Variants in GALNT17 observed in about 807,000 individuals in gnomAD.
The protein encoded by GALNT17 is UDP-GalNAc:polypeptide N-acetylgalactosaminyltransferase-like 3.
GALNT17 carries 29 observed loss-of-function variants against 63.7 expected under a neutral mutation model. The ratio of observed to expected loss-of-function variants is 0.46; its 90% CI spans 0.34 to 0.62. The LOEUF (loss-of-function observed/expected upper bound fraction) is 0.62. Ranked by LOEUF, GALNT17 falls within the 20% of genes least tolerant of loss-of-function variation. The pLI is 0.01. For synonymous variants in GALNT17, 305 were observed against 318.3 expected (o/e 0.96, Z 0.45); for missense variants, 603 against 799.6 (o/e 0.75, Z 2.97).
At chr7:71,475,210 A>G (rs1401017261) in intron 5 of GALNT17, among the ~76,000 whole-genome samples, 1 of 152,210 alleles carries the variant, frequency 6.6e-6, no homozygotes, top group African/African-American at 2.4e-5. Flanking sequence ...TAGTTTTTCC[A>G]CAGACCAAGG....
intron 2 of GALNT17, among the ~76,000 whole-genome samples, chr7:71,341,649 AT>A (rs1164169640): frequency 6.6e-6 from 1 of 152,230 alleles, no homozygotes; most frequent in East Asian, 1.9e-4. Context: ...AGAGAAAAAA[AT>A]AATGTTCCAT....
intron 9 of GALNT17, among the ~76,000 whole-genome samples, chr7:71,696,544 T>G (rs1051968349): frequency 6.6e-6 from 1 of 152,242 alleles, no homozygotes; most frequent in Non-Finnish European, 1.5e-5. Context: ...GATTTTGCTG[T>G]GTTCTGGAGT....
chr7:71,664,413 C>T (rs1040671771), intron 6 of GALNT17, among the ~76,000 whole-genome samples: 3 of 152,066 alleles, frequency 2.0e-5, no homozygotes, highest in Admixed American at 6.6e-5. Context: ...AGTGTGAGAC[C>T]GGCCTGGGCA....
chr7:71,639,899 C>A lies in GALNT17; in HGVS notation c.1081-25512C>A, dbSNP rs542740633. Among the ~76,000 whole-genome samples, 3 of 152,184 alleles carry A rather than the reference C, an allele frequency of 2.0e-5. No individual in the cohort carries two copies. The East Asian group carries it at 5.8e-4, about 29-fold the overall frequency. On this transcript the variant is annotated intron_variant, in intron 6 of 10. Transcript: ENST00000333538. ...AGAGGATGGTTGATTGCGGGAAGAT[C>A]GCAGCCCATGAATATATCTCCAGCA...
At chr7:71,377,696 G>A (rs1792769716) in intron 2 of GALNT17, among the ~76,000 whole-genome samples, 1 of 152,210 alleles carries the variant, frequency 6.6e-6, no homozygotes, top group Non-Finnish European at 1.5e-5. Context: ...TGTCAAGGGA[G>A]GGACCTGTAG....
intron 2 of GALNT17, among the ~76,000 whole-genome samples, chr7:71,357,281 C>T (rs1297590795): frequency 1.3e-5 from 2 of 152,138 alleles, no homozygotes; most frequent in African/African-American, 4.8e-5. Context: ...CCACCTCCTG[C>T]CAGATCAGCG....
chr7:71,517,177 C>T (rs1280380371), intron 5 of GALNT17, among the ~76,000 whole-genome samples: 2 of 152,180 alleles, frequency 1.3e-5, no homozygotes, highest in African/African-American at 4.8e-5. Flanking sequence ...CATTCAAGGT[C>T]AGGGCACCAG....
intron 1 of GALNT17, among the ~76,000 whole-genome samples, chr7:71,165,103 T>A (rs111227562): frequency 6.6e-6 from 1 of 152,200 alleles, no homozygotes; most frequent in Non-Finnish European, 1.5e-5. Flanking sequence ...AAGATGAATA[T>A]TTAAAATAAG....
At chr7:71,150,086 G>C (rs1788102190) in intron 1 of GALNT17, among the ~76,000 whole-genome samples, 1 of 152,154 alleles carries the variant, frequency 6.6e-6, no homozygotes, top group Non-Finnish European at 1.5e-5. Flanking sequence ...CGTCGAGAAG[G>C]TAACTCCTTT....
intron 5 of GALNT17, among the ~76,000 whole-genome samples, chr7:71,503,286 G>A (rs1469787083): frequency 6.6e-6 from 1 of 152,144 alleles, no homozygotes; most frequent in South Asian, 2.1e-4. Flanking sequence ...TGTCACCCAG[G>A]CTGGAGTGCA....
intron 1 of GALNT17, chr7:71,300,763 T>C (rs1385434245): frequency 1.4e-5 from 3 of 212,276 alleles, no homozygotes; most frequent in South Asian, 1.2e-4. Flanking sequence ...GCTAGGACTT[T>C]CTGTTTGCAC....
intron 2 of GALNT17, among the ~76,000 whole-genome samples, chr7:71,342,454 T>G (rs1005576466): frequency 1.3e-5 from 2 of 152,068 alleles, no homozygotes; most frequent in Non-Finnish European, 1.5e-5. Flanking sequence ...CATTTCAACA[T>G]GAGATTTGGC....
At chr7:71,278,840 C>G (rs1336914688) in intron 1 of GALNT17, among the ~76,000 whole-genome samples, 1 of 152,112 alleles carries the variant, frequency 6.6e-6, no homozygotes, top group Non-Finnish European at 1.5e-5. Flanking sequence ...GTGGGAACTA[C>G]AAGTTGAGAT....
intron 5 of GALNT17, among the ~76,000 whole-genome samples, chr7:71,475,976 ACTACTC>A (rs1787716170): frequency 6.6e-6 from 1 of 152,320 alleles, no homozygotes; most frequent in East Asian, 1.9e-4. Context: ...TAGTGATACT[ACTACTC>A]CTCCTACTAA....
At chr7:71,516,010 G>A (rs889348527) in intron 5 of GALNT17, among the ~76,000 whole-genome samples, 18 of 152,068 alleles carry the variant, frequency 1.2e-4, no homozygotes, top group Admixed American at 3.9e-4. Flanking sequence ...GGGGATAGAG[G>A]AGCAGCCGAT....
At chr7:71,157,528 C>G (rs986623826) in intron 1 of GALNT17, among the ~76,000 whole-genome samples, 1 of 151,456 alleles carries the variant, frequency 6.6e-6, no homozygotes, top group African/African-American at 2.4e-5. Flanking sequence ...CATGGTGGCA[C>G]GTCCCTATAA....
At chr7:71,241,705 T>C (rs948390290) in intron 1 of GALNT17, among the ~76,000 whole-genome samples, 27 of 151,828 alleles carry the variant, frequency 1.8e-4, no homozygotes, top group African/African-American at 6.5e-4. Flanking sequence ...TTGGACAACA[T>C]AGGGAGACCT....
At chr7:71,420,184 C>T (rs1786636403) in intron 4 of GALNT17, among the ~76,000 whole-genome samples, 1 of 152,130 alleles carries the variant, frequency 6.6e-6, no homozygotes, top group South Asian at 2.1e-4. Flanking sequence ...CTGCTGTCTC[C>T]TAAGCCAGTC....
chr7:71,610,489 G>T (rs748930628), intron 6 of GALNT17, among the ~76,000 whole-genome samples: 1 of 151,488 alleles, frequency 6.6e-6, no homozygotes, highest in Non-Finnish European at 1.5e-5. Context: ...CTCACTAAAA[G>T]AAAATAAAAA....
Sources: allele counts gnomAD v4.1 joint callset (sites outside exome capture counted in the v4.1 genomes callset), GRCh38; gene constraint gnomAD v4.1.1; transcripts MANE v1.5; gene names NCBI Gene and HGNC (gene_info 2026-07-23, HGNC 2026-07-21).